The following FHIP2A variants were observed in gnomAD, a reference collection of about 807,000 sequenced individuals.
FHIP2A encodes FHF complex subunit HOOK interacting protein 2A, also known as family with sequence similarity 160 member B1.
Under a neutral mutation model 93.5 loss-of-function variants are expected in FHIP2A, and 46 were observed. That is an observed-to-expected ratio of 0.49 (90% CI 0.39 to 0.63). The LOEUF (loss-of-function observed/expected upper bound fraction) is 0.63. Ranked by LOEUF, FHIP2A falls within the 20% of genes least tolerant of loss-of-function variation. FHIP2A has a pLI of 0.00. For synonymous variants in FHIP2A, 332 were observed against 326.5 expected (o/e 1.02, Z -0.18); for missense variants, 769 against 909.7 (o/e 0.85, Z 1.99).
At chr10:114,860,448 G>A (rs1737519981) in intron 14 of FHIP2A, among the ~76,000 whole-genome samples, 1 of 152,128 alleles carries the variant, frequency 6.6e-6, no homozygotes, top group Non-Finnish European at 1.5e-5. Flanking sequence ...CACCTCCTGG[G>A]TTCAAGCAGT....
Position 114,855,247 on chromosome 10 carries a change from A to C in FHIP2A, c.1854A>C (p.Pro618=). The C allele has an allele frequency of 6.2e-7, 1 of 1,614,050 alleles. No homozygotes were observed. Among genetic ancestry groups the C allele is most frequent in the East Asian group, 2.2e-5 (1 of 44,868 alleles). ...ICLRWEWPGS[P]KALEKCNLEA... is the part of the protein sequence containing the mutation. ...TAAGATGGGAGTGGCCTGGGTCTCCAAAAGCATTGGAAAAGTGCAATTTAG... is the reference window on the plus strand; with the variant it reads ...TAAGATGGGAGTGGCCTGGGTCTCCCAAAGCATTGGAAAAGTGCAATTTAG... The change falls in exon 14 of 17, where the codon CCA becomes CCC. Residue 618 remains proline (P), a synonymous_variant. Transcript: ENST00000369248.
chr10:114,867,890 C>T (rs2083837852), downstream of FHIP2A, among the ~76,000 whole-genome samples: 2 of 152,020 alleles, frequency 1.3e-5, no homozygotes, highest in Non-Finnish European at 2.9e-5. Context: ...CAAGGAATTA[C>T]CTGATTTCCC....
chr10:114,832,905 G>T (rs2143010061), intron 2 of FHIP2A, among the ~76,000 whole-genome samples: 1 of 152,106 alleles, frequency 6.6e-6, no homozygotes, highest in South Asian at 2.1e-4. Flanking sequence ...GTAGAGAGGA[G>T]GTTTCACTGT....
chr10:114,841,557 G>T (rs1002760139), intron 5 of FHIP2A, among the ~76,000 whole-genome samples: 18 of 152,108 alleles, frequency 1.2e-4, no homozygotes, highest in Admixed American at 2.6e-4. Flanking sequence ...CTCTCAAAGT[G>T]CTGGGATGTG....
At chr10:114,833,186 CA>C (rs746767745) in intron 2 of FHIP2A, 46 bp from the exon 3 acceptor site, 1 of 1,440,330 alleles carries the variant, frequency 6.9e-7, no homozygotes. Flanking sequence ...TGCAAATATG[CA>C]GTTTAAAAAT....
chr10:114,882,520 G>T (rs544549628), intron 16 of FHIP2A, among the ~76,000 whole-genome samples: 138 of 152,246 alleles, frequency 9.1e-4, no homozygotes, highest in African/African-American at 3.1e-3. Flanking sequence ...ATTTTGTTTG[G>T]GGGGGTCAGA....
At chr10:114,829,533 T>G (rs775720052) in intron 1 of FHIP2A, among the ~76,000 whole-genome samples, 35 of 152,240 alleles carry the variant, frequency 2.3e-4, no homozygotes, top group Non-Finnish European at 3.2e-4. Context: ...TTTGTGACCA[T>G]CTTGGTTTTG....
rs529609683 is a variant in FHIP2A at position 114,829,678 on chromosome 10, C to A, written c.46-1174C>A. On this transcript the variant is annotated intron_variant, in intron 1 of 16. Coordinates refer to ENST00000369248, the MANE Select transcript of FHIP2A (RefSeq NM_020940.4). ...ATGCCTAACCTCCTGGGAATGCAGCCCAGCAGGTCTTAGCCTCATTTTACC... is the reference window on the plus strand; with the variant it reads ...ATGCCTAACCTCCTGGGAATGCAGCACAGCAGGTCTTAGCCTCATTTTACC... 7.9e-5 allele frequency among the ~76,000 whole-genome samples: 12 copies of A among 152,252 alleles called. 1 individual carries two copies. The East Asian group carries it at 1.5e-3, about 20-fold the overall frequency.
chr10:114,847,331 C>A, intron 12 of FHIP2A, 98 bp downstream of exon 12: 1 of 1,110,132 alleles, frequency 9.0e-7, no homozygotes, highest in South Asian at 1.6e-5. Flanking sequence ...CTCTGTTGCC[C>A]ACGCTGGAGT....
intron 1 of FHIP2A, among the ~76,000 whole-genome samples, chr10:114,825,618 TGATTGGCCAGTAA>T (rs763899363): frequency 1.3e-4 from 20 of 152,170 alleles, no homozygotes; most frequent in Non-Finnish European, 2.2e-4. Flanking sequence ...AGTACAGAAA[TGATTGGCCAGTAA>T]GAGTCTTATG....
intron 1 of FHIP2A, among the ~76,000 whole-genome samples, chr10:114,822,653 A>G (rs1399802947): frequency 6.6e-6 from 1 of 152,212 alleles, no homozygotes; most frequent in Non-Finnish European, 1.5e-5. Flanking sequence ...GTCCCTGGCG[A>G]GGGAGCCGCC....
rs369117857 is a variant in FHIP2A at position 114,860,483 on chromosome 10, G to A, written c.1948-266G>A. On this transcript the variant is annotated intron_variant, in intron 14 of 16. Coordinates refer to ENST00000369248, the MANE Select transcript of FHIP2A (RefSeq NM_020940.4). ...TTCTCTTGCCTCAGCCTCCCAAGTA[G>A]CTGGGATTACAGGCATGTGCCACCA... Among the ~76,000 whole-genome samples, 11 of 152,074 alleles carry A rather than the reference G, an allele frequency of 7.2e-5. No individual in the cohort carries two copies. The East Asian group carries it at 2.1e-3, about 30-fold the overall frequency.
At chr10:114,832,522 A>C (rs2083613214) in intron 2 of FHIP2A, among the ~76,000 whole-genome samples, 1 of 152,138 alleles carries the variant, frequency 6.6e-6, no homozygotes, top group Non-Finnish European at 1.5e-5. Context: ...TTTCTATTTA[A>C]AGAGACTTAA....
chr10:114,854,431 G>T (rs923762261), intron 13 of FHIP2A, among the ~76,000 whole-genome samples: 2 of 152,060 alleles, frequency 1.3e-5, no homozygotes, highest in African/African-American at 4.8e-5. Flanking sequence ...GGCGGAGGTT[G>T]TGGTGAGCCG....
At chr10:114,852,665 C>T (rs2083743895) in intron 13 of FHIP2A, among the ~76,000 whole-genome samples, 1 of 152,204 alleles carries the variant, frequency 6.6e-6, no homozygotes, top group South Asian at 2.1e-4. Context: ...CTTGTTTCCT[C>T]AGCTTGTTCC....
In FHIP2A at chr10:114,851,958, G is replaced by T. The variant is rs567105259; in HGVS notation, c.1803+3221G>T. 1.1e-4 allele frequency among the ~76,000 whole-genome samples: 16 copies of T among 152,164 alleles called. No homozygotes were observed. In the South Asian group the frequency reaches 3.3e-3, roughly 32 times the overall value. The stretch of plus-strand genomic sequence containing the variant: ...CTAAGTATTTTATTCTTTATTGTAA[G>T]TGAAATTATTTTGTGAACTTCATTT... On this transcript the variant is annotated intron_variant, in intron 13 of 16. Coordinates refer to ENST00000369248, the MANE Select transcript of FHIP2A (RefSeq NM_020940.4).
At chr10:114,866,714 G>A (rs1206924698), downstream of FHIP2A, among the ~76,000 whole-genome samples, 2 of 152,186 alleles carry the variant, frequency 1.3e-5, no homozygotes, top group African/African-American at 2.4e-5. Context: ...GTGCACACTG[G>A]TGAACACTGT....
At chr10:114,854,151 T>A (rs1319396932) in intron 13 of FHIP2A, among the ~76,000 whole-genome samples, 38 of 151,946 alleles carry the variant, frequency 2.5e-4, no homozygotes, top group Admixed American at 2.0e-4. Context: ...TTTTTTTTTT[T>A]TTTATTTCCA....
chr10:114,884,644 G>A (rs771951367), intron 16 of FHIP2A, among the ~76,000 whole-genome samples: 4 of 152,206 alleles, frequency 2.6e-5, no homozygotes, highest in Non-Finnish European at 2.9e-5. Flanking sequence ...CGGGCGCGGT[G>A]GCTCACGCCT....
Sources: allele counts gnomAD v4.1 joint callset (sites outside exome capture counted in the v4.1 genomes callset), GRCh38; gene constraint gnomAD v4.1.1; transcripts MANE v1.5; gene names NCBI Gene and HGNC (gene_info 2026-07-23, HGNC 2026-07-21).